ZNF365: variants seen among roughly 807,000 people sequenced by gnomAD.
ZNF365 encodes protein ZNF365.
ZNF365 carries 22 observed loss-of-function variants against 35.0 expected under a neutral mutation model. The ratio of observed to expected loss-of-function variants is 0.63; its 90% CI spans 0.45 to 0.90. The LOEUF is 0.90. Among genes scored for constraint, ZNF365 ranks in the 40% least tolerant of loss-of-function variants. The pLI is 0.00. For missense variants in ZNF365, 448 were observed against 500.3 expected, an observed-to-expected ratio of 0.90 and a Z score of 1.00; for synonymous variants, 188 against 196.2, an observed-to-expected ratio of 0.96 and a Z score of 0.35.
intron 3 of ZNF365, among the ~76,000 whole-genome samples, chr10:62,429,702 A>G (rs1236791671): frequency 6.6e-6 from 1 of 152,172 alleles, no homozygotes; most frequent in Non-Finnish European, 1.5e-5. Flanking sequence ...ATTGAAACGT[A>G]TTATTTAATA....
At chr10:62,439,402 T>A (rs968754664) in intron 3 of ZNF365, among the ~76,000 whole-genome samples, 1 of 147,318 alleles carries the variant, frequency 6.8e-6, no homozygotes, top group Non-Finnish European at 1.5e-5. Flanking sequence ...AAAAAAAAAA[T>A]GTTGACTCAC....
chr10:62,381,231 G>A (rs960079465), intron 2 of ZNF365, among the ~76,000 whole-genome samples: 2 of 152,156 alleles, frequency 1.3e-5, no homozygotes, highest in African/African-American at 2.4e-5. Context: ...TTGAAGGGGC[G>A]GCAGGGAGGG....
At chr10:62,451,477 CA>C (rs1375147093) in intron 3 of ZNF365, among the ~76,000 whole-genome samples, 1 of 151,944 alleles carries the variant, frequency 6.6e-6, no homozygotes, top group Non-Finnish European at 1.5e-5. Flanking sequence ...CTGGTGGTAG[CA>C]AAAAAGCAGA....
At chr10:62,388,667 C>G in intron 3 of ZNF365, 91 bp downstream of exon 3, 1 of 1,445,658 alleles carries the variant, frequency 6.9e-7, no homozygotes, top group Non-Finnish European at 9.3e-7. Context: ...GGGTGACTTG[C>G]AGGGACTCTC....
chr10:62,384,487 C>T (rs1839493734), intron 2 of ZNF365, among the ~76,000 whole-genome samples: 1 of 152,072 alleles, frequency 6.6e-6, no homozygotes, highest in East Asian at 1.9e-4. Context: ...TAACTGTTTT[C>T]CCAAAAATAA....
intron 3 of ZNF365, among the ~76,000 whole-genome samples, chr10:62,442,657 T>C (rs1472836463): frequency 1.3e-5 from 2 of 152,308 alleles, no homozygotes; most frequent in South Asian, 4.1e-4. Flanking sequence ...AGAAACACCT[T>C]TGCCCTGTCT....
chr10:62,478,215 T>C (rs974073889), intron 4 of ZNF365, among the ~76,000 whole-genome samples: 9 of 152,112 alleles, frequency 5.9e-5, no homozygotes, highest in African/African-American at 1.9e-4. Flanking sequence ...ATACCCAATA[T>C]ACAGTGATGG....
At chr10:62,459,866 T>G (rs1840819365) in intron 4 of ZNF365, 2 of 1,415,920 alleles carry the variant, frequency 1.4e-6, no homozygotes, top group Non-Finnish European at 9.8e-7. Context: ...TGGGTCCATA[T>G]GAGAGAGACT....
intron 4 of ZNF365, among the ~76,000 whole-genome samples, chr10:62,476,845 G>A (rs1841140351): frequency 2.0e-5 from 3 of 152,184 alleles, no homozygotes; most frequent in Non-Finnish European, 2.9e-5. Flanking sequence ...AATGTTTCAT[G>A]CTGTTAGGGC....
intron 3 of ZNF365, among the ~76,000 whole-genome samples, chr10:62,455,165 A>G (rs933263905): frequency 3.9e-5 from 6 of 152,198 alleles, no homozygotes; most frequent in Admixed American, 6.5e-5. Flanking sequence ...GGGGAGTGTT[A>G]TAAATGTTGT....
chr10:62,376,677 A>G lies in ZNF365; in HGVS notation c.484A>G (p.Arg162Gly), dbSNP rs761569379. 1 of 1,614,080 alleles carries G rather than the reference A, an allele frequency of 6.2e-7. No homozygotes were observed. The highest frequency in any genetic ancestry group is 8.5e-7 in the Non-Finnish European group (1 of 1,180,056). Residue 162 changes from arginine (R) to glycine (G), a missense_variant, in exon 2 of 5, where the codon AGA becomes GGA. This residue lies in a region of ZNF365 where 362 missense variants were observed against 375.7 expected (regional missense o/e 0.96). Transcript: ENST00000395254. The stretch of plus-strand genomic sequence containing the variant: ...CAAAGCTTCTTTCGAGGCACATGTC[A>G]GAGAAAAATTCAATCGAATGGTTGA... ...DTKASFEAHV[R>G]EKFNRMVEAV...
Position 62,398,759 on chromosome 10 carries a change from A to G in ZNF365, c.944A>G (p.Asn315Ser), listed in dbSNP as rs1422411620. 10 of 1,612,822 alleles carry G rather than the reference A, an allele frequency of 6.2e-6. No homozygotes were observed. The highest frequency in any genetic ancestry group is 7.6e-6 in the Non-Finnish European group (9 of 1,179,494). The change falls in exon 4 of 5, where the codon AAT becomes AGT. Residue 315 changes from asparagine (N) to serine (S), a missense_variant. Transcript: ENST00000395254. ...SGHVLTDISS[N>S]RKPKCLSRGH... ...CTTCAGCTTACAGACATCTCCTCAA[A>G]TAGGAAGCCCAAATGCCTGTATGTA...
chr10:62,472,260 A>G (rs947146508), intron 4 of ZNF365, among the ~76,000 whole-genome samples: 2 of 152,218 alleles, frequency 1.3e-5, no homozygotes, highest in Admixed American at 6.5e-5. Context: ...AAGCCTCACA[A>G]TGGCCTCCTG....
Position 62,401,300 on chromosome 10 carries a change from A to G in ZNF365, c.*1511A>G. 8 of 985,526 alleles carry G rather than the reference A, an allele frequency of 8.1e-6. No individual in the cohort carries two copies. The highest frequency in any genetic ancestry group is 8.4e-6 in the Non-Finnish European group (7 of 829,904). The allele number at this position is 985,526 out of a possible 1,614,324, so 61.0% of individuals were successfully genotyped here. ...ATTTAAAAAATCAAAACTGTAACGT[A>G]ATTAACATTGGCAGAATTATGATTG... is the stretch of plus-strand genomic sequence containing the variant. On this transcript the variant is annotated 3_prime_UTR_variant, in exon 5 of 5. Transcript: ENST00000395254.
At chr10:62,381,648 G>A (rs1039640271) in intron 2 of ZNF365, among the ~76,000 whole-genome samples, 1 of 152,156 alleles carries the variant, frequency 6.6e-6, no homozygotes, top group Non-Finnish European at 1.5e-5. Context: ...GAGGTGTTGG[G>A]AGGCAGGGGA....
chr10:62,448,511 G>T (rs941860271), intron 3 of ZNF365, among the ~76,000 whole-genome samples: 1 of 152,118 alleles, frequency 6.6e-6, no homozygotes, highest in African/African-American at 2.4e-5. Flanking sequence ...TTTGTTAAAT[G>T]CGCCTGTAAA....
At chr10:62,430,581 C>A (rs985557932) in intron 3 of ZNF365, among the ~76,000 whole-genome samples, 2 of 152,050 alleles carry the variant, frequency 1.3e-5, no homozygotes, top group African/African-American at 4.8e-5. Flanking sequence ...TGGAATGGAC[C>A]CTTGTGAGGT....
At chr10:62,462,167 A>C (rs181106056) in intron 4 of ZNF365, among the ~76,000 whole-genome samples, 35 of 152,336 alleles carry the variant, frequency 2.3e-4, no homozygotes, top group South Asian at 1.4e-3. Context: ...ATAACCAATT[A>C]GATGTTTCAG....
At position 62,399,918 on chromosome 10, in the gene ZNF365, C is replaced by G. The variant is rs918805646; in HGVS notation, c.*129C>G. 6.3e-6 allele frequency: 9 copies of G among 1,424,030 alleles called. No homozygotes were observed. The highest frequency in any genetic ancestry group is 1.4e-5 in the African/African-American group (1 of 69,524). 88.2% of individuals were successfully genotyped at this position (1,424,030 alleles called of 1,614,324 possible). A position where few individuals can be genotyped will look rare whatever the true frequency, so the allele number is the denominator to read the frequency against. ...GGAAAAGCCAAGGGCATAACACAGG[C>G]AAGCACCTCAATTAACCAGAGCTTA... On this transcript the variant is annotated 3_prime_UTR_variant, in exon 5 of 5. Coordinates refer to ENST00000395254, the MANE Select transcript of ZNF365 (RefSeq NM_014951.3).
Sources: allele counts gnomAD v4.1 joint callset (sites outside exome capture counted in the v4.1 genomes callset), GRCh38; gene constraint gnomAD v4.1.1; regional missense constraint gnomAD v4.1.1; transcripts MANE v1.5; gene names NCBI Gene and HGNC (gene_info 2026-07-23, HGNC 2026-07-21).